ADGRA1: variants seen among roughly 807,000 people sequenced by gnomAD.
The protein encoded by ADGRA1 is G-protein coupled receptor 123.
In ADGRA1, 12 loss-of-function variants were observed where a neutral mutation model predicts 21.3. That is an observed-to-expected ratio of 0.56 (90% CI 0.36 to 0.91). The LOEUF is 0.91. Ranked by LOEUF, ADGRA1 falls within the 40% of genes least tolerant of loss-of-function variation. The pLI is 0.01. For missense variants in ADGRA1, 790 were observed against 805.6 expected, an observed-to-expected ratio of 0.98 and a Z score of 0.23; for synonymous variants, 385 against 368.8, an observed-to-expected ratio of 1.04 and a Z score of -0.50.
chr10:133,101,486 G>A (rs1041120933), intron 4 of ADGRA1, among the ~76,000 whole-genome samples: 12 of 152,210 alleles, frequency 7.9e-5, no homozygotes, highest in East Asian at 1.9e-4. Flanking sequence ...GCCTGAAGTC[G>A]GTGTCCAGGA....
intron 2 of ADGRA1, chr10:133,095,630 G>A (rs1591167090): frequency 1.3e-6 from 2 of 1,583,758 alleles, no homozygotes; most frequent in East Asian, 4.5e-5. Context: ...TTGACTGTCA[G>A]CCAGTCCCTT....
chr10:133,129,329 G>T lies in ADGRA1; in HGVS notation c.1501G>T (p.Gly501Cys). The change falls in exon 7 of 7, where the codon GGC becomes TGC. Residue 501 changes from glycine (G) to cysteine (C), a missense_variant. By Grantham distance (159) the Gly-to-Cys change is radical (BLOSUM62 -3). Transcript: ENST00000392607. The part of the protein sequence containing the change: ...PALYSCPTQP[G>C]REAALGPGHL... ...CCTCTACAGCTGCCCCACGCAGCCG[G>T]GCAGGGAGGCAGCGCTCGGGCCCGG... is the stretch of plus-strand genomic sequence containing the variant. 1 of 1,569,022 alleles carries T rather than the reference G, an allele frequency of 6.4e-7. No individual in the cohort carries two copies. Among genetic ancestry groups the T allele is most frequent in the Non-Finnish European group, 8.6e-7 (1 of 1,158,608 alleles).
intron 5 of ADGRA1, among the ~76,000 whole-genome samples, chr10:133,110,824 C>A (rs973661508): frequency 6.6e-6 from 1 of 152,186 alleles, no homozygotes; most frequent in Admixed American, 6.5e-5. Context: ...TATTCAGCCT[C>A]TTCCCCTTCC....
intron 2 of ADGRA1, chr10:133,095,626 G>A: frequency 6.3e-7 from 1 of 1,580,642 alleles, no homozygotes; most frequent in Non-Finnish European, 8.6e-7. Context: ...GGCTTTGACT[G>A]TCAGCCAGTC....
Position 133,128,325 on chromosome 10 carries a change from A to G in ADGRA1, c.501-4A>G. The G allele has an allele frequency of 6.5e-7, 1 of 1,535,766 alleles. No homozygotes were observed. The highest frequency in any genetic ancestry group is 8.7e-7 in the Non-Finnish European group (1 of 1,144,440). Reference sequence around the variant, plus strand: ...CGCTGACACTGACGTGCGTCTCCCCACAGCTGCTGGATGGCCTGGGAGCCC... The same window carrying G: ...CGCTGACACTGACGTGCGTCTCCCCGCAGCTGCTGGATGGCCTGGGAGCCC... On this transcript the variant is annotated splice_polypyrimidine_tract_variant and splice_region_variant and intron_variant, in intron 6 of 6. Coordinates refer to ENST00000392607, the MANE Select transcript of ADGRA1 (RefSeq NM_001083909.3).
In ADGRA1 at chr10:133,098,697, G is replaced by T; in HGVS notation, c.189G>T (p.Ala63=). ...RHTLLNFCFH[A]ALTFTVFAGG... is the part of the protein sequence containing the mutation. ...CGCTCCTGAATTTCTGCTTCCACGC[G>T]GCCCTGACCTTCACTGTGTTCGCCG... The change falls in exon 4 of 7, where the codon GCG becomes GCT. Residue 63 remains alanine (A), a synonymous_variant. Transcript: ENST00000392607. 6.2e-7 allele frequency: 1 copy of T among 1,611,744 alleles called. No individual in the cohort carries two copies.
At chr10:133,112,737 A>AGGTCTGCGGGCCGCGTCGGTTATTTGG (rs1564850378) in intron 5 of ADGRA1, among the ~76,000 whole-genome samples, 67 of 81,174 alleles carry the variant, frequency 8.3e-4, no homozygotes, top group African/African-American at 2.9e-3. Context: ...CGGTTATTTG[A>AGGTCTGCGGGCCGCGTCGGTTATTTGG]GGTCTGCGGG....
chr10:133,127,344 C>A lies in ADGRA1; in HGVS notation c.500+13C>A. Reference sequence around the variant, plus strand: ...AGGACACGGCGTAGTGAGTACCGGGCACCCAGAACCGGGAGCTGGGAGCAG... The same window carrying A: ...AGGACACGGCGTAGTGAGTACCGGGAACCCAGAACCGGGAGCTGGGAGCAG... On this transcript the variant is annotated intron_variant, in intron 6 of 6. Coordinates refer to ENST00000392607, the MANE Select transcript of ADGRA1 (RefSeq NM_001083909.3). 1.3e-6 allele frequency: 2 copies of A among 1,572,704 alleles called. No homozygotes were observed. The highest frequency in any genetic ancestry group is 2.3e-5 in the South Asian group (2 of 85,712).
At chr10:133,110,833 C>G (rs916376892) in intron 5 of ADGRA1, among the ~76,000 whole-genome samples, 1 of 152,150 alleles carries the variant, frequency 6.6e-6, no homozygotes, top group Non-Finnish European at 1.5e-5. Context: ...TCTTCCCCTT[C>G]CTTGTCTTTA....
rs565393090 is a variant in ADGRA1, at chr10:133,100,455, G to C, written c.255+1692G>C. ...CCCCCGAGGGCCTTCAGCAAACCCCGCCCGCGCCTTCGGGAACACCTGCCA... is the reference window on the plus strand; with the variant it reads ...CCCCCGAGGGCCTTCAGCAAACCCCCCCCGCGCCTTCGGGAACACCTGCCA... On this transcript the variant is annotated intron_variant, in intron 4 of 6. Transcript: ENST00000392607. 3.8e-4 allele frequency among the ~76,000 whole-genome samples: 58 copies of C among 152,322 alleles called. 1 individual carries two copies. Among genetic ancestry groups the C allele is most frequent in the Non-Finnish European group, 6.5e-4 (44 of 68,014 alleles).
chr10:133,108,421 C>T (rs564334236), intron 5 of ADGRA1, among the ~76,000 whole-genome samples: 7 of 152,138 alleles, frequency 4.6e-5, no homozygotes, highest in Admixed American at 1.3e-4. Flanking sequence ...AGGGTGACTC[C>T]GTGGAGAAGG....
intron 4 of ADGRA1, among the ~76,000 whole-genome samples, chr10:133,101,010 C>T (rs1463577205): frequency 6.6e-6 from 1 of 152,262 alleles, no homozygotes; most frequent in Non-Finnish European, 1.5e-5. Context: ...GCTCCCCGTG[C>T]TCTGCGAGGC....
At chr10:133,099,870 C>G (rs2135873606) in intron 4 of ADGRA1, among the ~76,000 whole-genome samples, 1 of 152,326 alleles carries the variant, frequency 6.6e-6, no homozygotes, top group South Asian at 2.1e-4. Context: ...TGGAACCCTC[C>G]CATAGTACCT....
intron 5 of ADGRA1, among the ~76,000 whole-genome samples, chr10:133,105,262 G>A (rs886170519): frequency 2.8e-4 from 42 of 152,276 alleles, no homozygotes; most frequent in African/African-American, 9.6e-4. Flanking sequence ...CGGACCCTCC[G>A]CCGGGACAGG....
At chr10:133,113,834 C>T (rs770648172) in intron 5 of ADGRA1, among the ~76,000 whole-genome samples, 5 of 152,236 alleles carry the variant, frequency 3.3e-5, no homozygotes, top group East Asian at 1.9e-4. Context: ...AGCAGCCTCC[C>T]GCCCCTTCCC....
At chr10:133,105,502 C>T (rs1851877641) in intron 5 of ADGRA1, among the ~76,000 whole-genome samples, 1 of 152,154 alleles carries the variant, frequency 6.6e-6, no homozygotes, top group Admixed American at 6.5e-5. Flanking sequence ...TGGGGTTGGC[C>T]CACATGCAAC....
At chr10:133,098,219 C>T (rs1851722907) in intron 3 of ADGRA1, among the ~76,000 whole-genome samples, 1 of 152,176 alleles carries the variant, frequency 6.6e-6, no homozygotes, top group Non-Finnish European at 1.5e-5. Context: ...GCCGGGGTCA[C>T]GCTGAGCCAG....
At chr10:133,113,681 A>G (rs573695626) in intron 5 of ADGRA1, among the ~76,000 whole-genome samples, 4 of 146,318 alleles carry the variant, frequency 2.7e-5, no homozygotes, top group Admixed American at 6.8e-5. Context: ...GGCAGAGGTC[A>G]CAGGCGAGCA....
At chr10:133,107,618 T>C (rs768620118) in intron 5 of ADGRA1, among the ~76,000 whole-genome samples, 38 of 152,382 alleles carry the variant, frequency 2.5e-4, no homozygotes, top group Non-Finnish European at 3.5e-4. Flanking sequence ...ATTTTTCTTA[T>C]GTGGATGTTC....
Sources: allele counts gnomAD v4.1 joint callset (sites outside exome capture counted in the v4.1 genomes callset), GRCh38; gene constraint gnomAD v4.1.1; transcripts MANE v1.5; gene names NCBI Gene and HGNC (gene_info 2026-07-23, HGNC 2026-07-21).